The following PRR16 variants were observed in gnomAD, a reference collection of about 807,000 sequenced individuals.
PRR16 encodes the protein proline rich 16, also known as protein Largen.
A neutral mutation model predicts 18.2 loss-of-function variants in PRR16; 6 were observed. The observed-to-expected ratio is 0.33, with a 90% CI of 0.18 to 0.65. The LOEUF (loss-of-function observed/expected upper bound fraction) is 0.65. Among genes scored for constraint, PRR16 ranks in the 30% least tolerant of loss-of-function variants. PRR16 has a pLI of 0.74. For synonymous variants in PRR16, 151 were observed against 147.8 expected (o/e 1.02, Z -0.16); for missense variants, 412 against 376.6 (o/e 1.09, Z -0.78).
chr5:120,747,012 G>T, the PRR16 span, among the ~76,000 whole-genome samples: 1 of 152,258 alleles, frequency 6.6e-6, no homozygotes, highest in East Asian at 1.9e-4. Context: ...TTTAAAGTCA[G>T]CTCCATTTGA....
chr5:120,714,919 A>G, the PRR16 span, among the ~76,000 whole-genome samples: 1 of 152,144 alleles, frequency 6.6e-6, no homozygotes, highest in Non-Finnish European at 1.5e-5. Flanking sequence ...GTTCTTACTC[A>G]TAAATGGGAG....
intron 1 of PRR16, among the ~76,000 whole-genome samples, chr5:120,477,973 T>G (rs1749497310): frequency 6.6e-6 from 1 of 152,208 alleles, no homozygotes; most frequent in Non-Finnish European, 1.5e-5. Flanking sequence ...TGTTCTTCTT[T>G]CCTTTTTTCT....
intron 1 of PRR16, among the ~76,000 whole-genome samples, chr5:120,500,027 G>T (rs541092588): frequency 1.3e-5 from 2 of 152,120 alleles, no homozygotes; most frequent in South Asian, 4.2e-4. Context: ...TCCTTACTCA[G>T]CTTTTTCTGA....
chr5:120,729,951 A>G, the PRR16 span, among the ~76,000 whole-genome samples: 1 of 152,146 alleles, frequency 6.6e-6, no homozygotes. Flanking sequence ...GTCTCCTCAC[A>G]GTACCTCAAA....
At chr5:120,513,985 C>G (rs1158304127) in intron 1 of PRR16, among the ~76,000 whole-genome samples, 1 of 152,054 alleles carries the variant, frequency 6.6e-6, no homozygotes, top group East Asian at 1.9e-4. Flanking sequence ...GTCTCGAACT[C>G]CTGACCTCGT....
chr5:120,573,175 C>CTT (rs1353799964), intron 1 of PRR16, among the ~76,000 whole-genome samples: 1 of 151,634 alleles, frequency 6.6e-6, no homozygotes, highest in East Asian at 1.9e-4. Flanking sequence ...ATGTCTGTGA[C>CTT]TTTAAGTCTG....
the PRR16 span, among the ~76,000 whole-genome samples, chr5:120,701,645 C>A: frequency 6.6e-6 from 1 of 151,874 alleles, no homozygotes; most frequent in Non-Finnish European, 1.5e-5. Context: ...TGGCAAGGAG[C>A]AGCCTGGAGA....
chr5:120,464,831 T>A (rs1314689574), intron 1 of PRR16, among the ~76,000 whole-genome samples, 186 bp downstream of exon 1: 1 of 152,146 alleles, frequency 6.6e-6, no homozygotes, highest in East Asian at 1.9e-4. Context: ...TTTAATTTTT[T>A]TTTTTAATCA....
chr5:120,469,935 A>G (rs1749215059), intron 1 of PRR16, among the ~76,000 whole-genome samples: 1 of 152,192 alleles, frequency 6.6e-6, no homozygotes, highest in African/African-American at 2.4e-5. Flanking sequence ...CCTTAAAGTA[A>G]TAGATAGTGT....
intron 1 of PRR16, among the ~76,000 whole-genome samples, chr5:120,629,448 A>G (rs1023073604): frequency 5.9e-5 from 9 of 152,102 alleles, no homozygotes; most frequent in African/African-American, 9.7e-5. Context: ...CTAAAATGCA[A>G]TTTTCAAATG....
the PRR16 span, among the ~76,000 whole-genome samples, chr5:120,751,336 T>A: frequency 6.6e-6 from 1 of 152,160 alleles, no homozygotes; most frequent in Admixed American, 6.5e-5. Flanking sequence ...TTAGTTTTTT[T>A]GAGACAGCTC....
chr5:120,704,649 C>T, the PRR16 span, among the ~76,000 whole-genome samples: 2 of 152,138 alleles, frequency 1.3e-5, no homozygotes, highest in Non-Finnish European at 2.9e-5. Context: ...GGAAGCTTCA[C>T]ACCCTGATCC....
At chr5:120,667,245 G>C (rs1374652005) in intron 1 of PRR16, among the ~76,000 whole-genome samples, 1 of 152,216 alleles carries the variant, frequency 6.6e-6, no homozygotes, top group East Asian at 1.9e-4. Flanking sequence ...TTTGCGTAGA[G>C]GTGTTTGTAG....
the PRR16 span, among the ~76,000 whole-genome samples, chr5:120,693,301 A>C: frequency 1.3e-5 from 2 of 152,186 alleles, no homozygotes; most frequent in African/African-American, 4.8e-5. Flanking sequence ...TTTCCACTTA[A>C]TGGGGATGTT....
intron 1 of PRR16, among the ~76,000 whole-genome samples, chr5:120,659,821 G>A (rs950866439): frequency 4.6e-5 from 7 of 151,984 alleles, no homozygotes; most frequent in African/African-American, 1.7e-4. Context: ...ACTTGCAGTG[G>A]TTTGAGAATG....
At chr5:120,567,626 G>C (rs1308841832) in intron 1 of PRR16, among the ~76,000 whole-genome samples, 1 of 152,074 alleles carries the variant, frequency 6.6e-6, no homozygotes, top group Non-Finnish European at 1.5e-5. Flanking sequence ...TTTCCCACTT[G>C]CTCTTCTCAT....
intron 1 of PRR16, among the ~76,000 whole-genome samples, chr5:120,516,176 C>T (rs915048134): frequency 3.9e-5 from 6 of 152,096 alleles, no homozygotes; most frequent in Non-Finnish European, 7.4e-5. Flanking sequence ...GTAATCTCAG[C>T]ACTTTGGGAG....
chr5:120,544,098 G>A (rs1752000249), intron 1 of PRR16, among the ~76,000 whole-genome samples: 1 of 152,102 alleles, frequency 6.6e-6, no homozygotes, highest in Admixed American at 6.6e-5. Flanking sequence ...AACCAAAAGT[G>A]ACAAATACAA....
intron 1 of PRR16, among the ~76,000 whole-genome samples, chr5:120,596,227 G>A (rs541500628): frequency 1.4e-4 from 21 of 151,106 alleles, no homozygotes; most frequent in Admixed American, 1.4e-3. Context: ...GAAGGAACCT[G>A]CTGAAGCTTA....
Sources: allele counts gnomAD v4.1 joint callset (sites outside exome capture counted in the v4.1 genomes callset), GRCh38; gene constraint gnomAD v4.1.1; transcripts MANE v1.5; gene names NCBI Gene and HGNC (gene_info 2026-07-23, HGNC 2026-07-21).